Variants in FARS2 observed in about 807,000 individuals in gnomAD.
FARS2 encodes the protein phenylalanine--tRNA ligase, mitochondrial.
A neutral mutation model predicts 46.4 loss-of-function variants in FARS2; 40 were observed. The ratio of observed to expected loss-of-function variants is 0.86; its 90% CI spans 0.67 to 1.12. FARS2 has a LOEUF of 1.12. Ranked by LOEUF, FARS2 falls within the 50% of genes most tolerant of loss-of-function variation. The probability of loss-of-function intolerance (pLI) is 0.00; values close to 1 mark genes in which losing one functional copy is unlikely to be tolerated. For synonymous variants in FARS2, 234 were observed against 214.9 expected (o/e 1.09, Z -0.78); for missense variants, 513 against 567.9 (o/e 0.90, Z 0.98).
At chr6:5,460,087 A>G (rs1316283535) in intron 4 of FARS2, among the ~76,000 whole-genome samples, 1 of 152,208 alleles carries the variant, frequency 6.6e-6, no homozygotes, top group African/African-American at 2.4e-5. Flanking sequence ...GACTGATGCT[A>G]TCCACAGGTA....
At chr6:5,674,138 G>A (rs907357326) in intron 6 of FARS2, among the ~76,000 whole-genome samples, 8 of 140,372 alleles carry the variant, frequency 5.7e-5, no homozygotes, top group Non-Finnish European at 1.2e-4. Flanking sequence ...CCCTGAGGAT[G>A]TGTCCTCTAT....
intron 2 of FARS2, among the ~76,000 whole-genome samples, chr6:5,394,225 G>C (rs907303888): frequency 1.3e-5 from 2 of 152,198 alleles, no homozygotes; most frequent in African/African-American, 4.8e-5. Context: ...TGCTGCTGAG[G>C]TGAGCACGAG....
intron 3 of FARS2, among the ~76,000 whole-genome samples, chr6:5,415,668 G>A (rs1762199163): frequency 6.6e-6 from 1 of 151,986 alleles, no homozygotes; most frequent in Non-Finnish European, 1.5e-5. Flanking sequence ...GTACTTATTT[G>A]CATTCATATA....
chr6:5,505,277 C>T (rs533058449), intron 4 of FARS2, among the ~76,000 whole-genome samples: 3 of 152,258 alleles, frequency 2.0e-5, no homozygotes, highest in Admixed American at 6.5e-5. Flanking sequence ...GAGCTTCCTT[C>T]GCTCTTCCAG....
At chr6:5,563,208 T>C (rs1354558773) in intron 5 of FARS2, among the ~76,000 whole-genome samples, 1 of 152,106 alleles carries the variant, frequency 6.6e-6, no homozygotes, top group Non-Finnish European at 1.5e-5. Flanking sequence ...TTGGCTTGAC[T>C]AGGCATGTCA....
chr6:5,489,166 C>T (rs1474213526), intron 4 of FARS2, among the ~76,000 whole-genome samples: 1 of 152,052 alleles, frequency 6.6e-6, no homozygotes, highest in African/African-American at 2.4e-5. Context: ...TAAAATAGGA[C>T]AGTCAGGCTG....
intron 2 of FARS2, among the ~76,000 whole-genome samples, chr6:5,378,221 G>A (rs963568997): frequency 4.6e-5 from 7 of 151,938 alleles, no homozygotes; most frequent in Non-Finnish European, 8.8e-5. Flanking sequence ...AGCGTAGAAG[G>A]ATGTTGAGAC....
chr6:5,312,019 A>T (rs1769111293), intron 1 of FARS2, among the ~76,000 whole-genome samples: 1 of 152,248 alleles, frequency 6.6e-6, no homozygotes, highest in Non-Finnish European at 1.5e-5. Context: ...ACAAACATTC[A>T]TCCACAAACC....
At chr6:5,353,736 T>TG (rs1369612499) in intron 1 of FARS2, among the ~76,000 whole-genome samples, 2 of 145,070 alleles carry the variant, frequency 1.4e-5, no homozygotes, top group African/African-American at 2.5e-5. Context: ...GTTTTTTTTT[T>TG]TTTTTTTTTT....
intron 5 of FARS2, among the ~76,000 whole-genome samples, chr6:5,584,962 G>T (rs1473141528): frequency 1.3e-5 from 2 of 152,014 alleles, no homozygotes; most frequent in African/African-American, 4.8e-5. Flanking sequence ...ATTACAAGAG[G>T]CAGCATAGAG....
In FARS2 at chr6:5,630,498, G is replaced by A. The variant is rs1776247174; in HGVS notation, c.1217+17178G>A. ...ACTTGATTTAATGGATTTATGCAAA[G>A]GGTTGGTGTCTCATGGAGCAAGCAA... On this transcript the variant is annotated intron_variant, in intron 6 of 6. Coordinates refer to ENST00000274680, the MANE Select transcript of FARS2 (RefSeq NM_006567.5). This position sits in a 1 kb window ranked among gnomAD's most constrained non-coding sequence, Gnocchi z 4.2. 6.6e-6 allele frequency among the ~76,000 whole-genome samples: 1 copy of A among 152,210 alleles called. No homozygotes were observed.
upstream of FARS2, chr6:5,260,659 G>A (rs749300361): frequency 4.9e-5 from 75 of 1,539,664 alleles, no homozygotes; most frequent in South Asian, 8.2e-4. Context: ...TGTAATTGTA[G>A]GCGCTGAAAC....
At chr6:5,496,358 T>C (rs1356754353) in intron 4 of FARS2, among the ~76,000 whole-genome samples, 1 of 152,204 alleles carries the variant, frequency 6.6e-6, no homozygotes, top group African/African-American at 2.4e-5. Flanking sequence ...GCATTCAGAA[T>C]ATTTTGTCAT....
chr6:5,510,116 T>TTTTG (rs957027363), intron 4 of FARS2, among the ~76,000 whole-genome samples: 3 of 152,158 alleles, frequency 2.0e-5, no homozygotes, highest in Admixed American at 6.5e-5. Flanking sequence ...TGGAGGGGTT[T>TTTTG]TTTGTTTGTT....
At chr6:5,501,211 G>A (rs1767781521) in intron 4 of FARS2, among the ~76,000 whole-genome samples, 1 of 152,006 alleles carries the variant, frequency 6.6e-6, no homozygotes, top group African/African-American at 2.4e-5. Context: ...CCTCAGCCTT[G>A]TACTAAGGTA....
intron 6 of FARS2, among the ~76,000 whole-genome samples, chr6:5,713,500 C>A (rs555043950): frequency 6.6e-6 from 1 of 152,206 alleles, no homozygotes; most frequent in Non-Finnish European, 1.5e-5. Flanking sequence ...GGTCTGGAGA[C>A]GTTGACGCTT....
At chr6:5,656,281 C>G (rs1777603660) in intron 6 of FARS2, among the ~76,000 whole-genome samples, 1 of 152,230 alleles carries the variant, frequency 6.6e-6, no homozygotes, top group East Asian at 1.9e-4. Context: ...TTGACCTCCT[C>G]TCACACACAT....
At chr6:5,574,605 T>C (rs2150566636) in intron 5 of FARS2, among the ~76,000 whole-genome samples, 1 of 152,354 alleles carries the variant, frequency 6.6e-6, no homozygotes, top group East Asian at 1.9e-4. Context: ...GTACAGTAGA[T>C]TCTCATTATT....
intron 4 of FARS2, among the ~76,000 whole-genome samples, chr6:5,510,649 A>G (rs1158288678): frequency 5.3e-5 from 8 of 152,156 alleles, no homozygotes; most frequent in Non-Finnish European, 1.2e-4. Context: ...GAGAGCTAGC[A>G]CACTCACCAG....
Sources: allele counts gnomAD v4.1 joint callset (sites outside exome capture counted in the v4.1 genomes callset), GRCh38; gene constraint gnomAD v4.1.1; non-coding constraint Gnocchi (gnomAD v3.1); transcripts MANE v1.5; gene names NCBI Gene and HGNC (gene_info 2026-07-23, HGNC 2026-07-21).